KIAA1217: variants seen among roughly 807,000 people sequenced by gnomAD.
KIAA1217 encodes KIAA1217.
In KIAA1217, 88 loss-of-function variants were observed where a neutral mutation model predicts 163.9. That is an observed-to-expected ratio of 0.54 (90% CI 0.45 to 0.64). KIAA1217 has a LOEUF of 0.64. Among genes scored for constraint, KIAA1217 ranks in the 30% least tolerant of loss-of-function variants. KIAA1217 has a pLI of 0.00. For missense variants in KIAA1217, 2,372 were observed against 2,475.0 expected (o/e 0.96, Z 0.88); for synonymous variants, 903 against 923.1 (o/e 0.98, Z 0.39).
At chr10:23,790,006 CATACACATATACACATATGCAT>C (rs1835681885) in intron 1 of KIAA1217, among the ~76,000 whole-genome samples, 4 of 103,524 alleles carry the variant, frequency 3.9e-5, no homozygotes, top group South Asian at 2.8e-4. Context: ...CACATATGCA[CATACACATATACACATATGCAT>C]ATACACATAT....
chr10:24,501,798 G>C (rs2067648163), intron 9 of KIAA1217, among the ~76,000 whole-genome samples: 2 of 130,182 alleles, frequency 1.5e-5, no homozygotes, highest in South Asian at 5.0e-4. Context: ...CCCCAGGCTG[G>C]AGTGCAGTGG....
At chr10:24,032,975 A>C (rs1848248304) in intron 2 of KIAA1217, among the ~76,000 whole-genome samples, 1 of 152,228 alleles carries the variant, frequency 6.6e-6, no homozygotes. Context: ...ACATTTTTGT[A>C]CAACTTTTCA....
chr10:23,993,373 A>G (rs560474975), intron 1 of KIAA1217, among the ~76,000 whole-genome samples: 7 of 151,874 alleles, frequency 4.6e-5, no homozygotes, highest in Non-Finnish European at 1.0e-4. Context: ...AGTTGACTAA[A>G]CAGCAAGTCT....
At chr10:24,067,589 C>T (rs1354741810) in intron 2 of KIAA1217, among the ~76,000 whole-genome samples, 1 of 152,234 alleles carries the variant, frequency 6.6e-6, no homozygotes, top group African/African-American at 2.4e-5. Context: ...ACTCGGGGGT[C>T]AGGGACCCAC....
At chr10:24,212,423 G>A (rs1747231903) in intron 1 of KIAA1217, among the ~76,000 whole-genome samples, 1 of 152,172 alleles carries the variant, frequency 6.6e-6, no homozygotes, top group African/African-American at 2.4e-5. Context: ...TAGAGCTGAA[G>A]GAAGACTGAG....
chr10:24,351,560 C>G lies in KIAA1217; in HGVS notation c.355-29309C>G, dbSNP rs12411913. On this transcript the variant is annotated intron_variant, in intron 2 of 20. Transcript: ENST00000376454. ...GAGAGCTGGAGAGCCAGGGAGAATA[C>G]AGGACTTTTCTTCACCTTGGGTTGA... Among the ~76,000 whole-genome samples, 261 of 152,266 alleles carry G rather than the reference C, an allele frequency of 1.7e-3. 4 individuals carry two copies. Among genetic ancestry groups the G allele is most frequent in the Admixed American group, 0.015 (222 of 15,290 alleles).
chr10:24,234,685 T>G (rs2071971133), intron 2 of KIAA1217, among the ~76,000 whole-genome samples: 1 of 138,826 alleles, frequency 7.2e-6, no homozygotes, highest in Non-Finnish European at 1.6e-5. Context: ...AAAAAGAAAC[T>G]ACATACAAAA....
At chr10:23,908,826 A>T (rs1327071383) in intron 1 of KIAA1217, among the ~76,000 whole-genome samples, 1 of 152,152 alleles carries the variant, frequency 6.6e-6, no homozygotes, top group East Asian at 1.9e-4. Flanking sequence ...CAGTGTGGAG[A>T]TTCCTTAAAG....
chr10:23,879,248 C>G (rs1343186246), intron 1 of KIAA1217, among the ~76,000 whole-genome samples: 1 of 151,832 alleles, frequency 6.6e-6, no homozygotes, highest in South Asian at 2.1e-4. Flanking sequence ...AAAAACCTCC[C>G]GGATGATTCT....
intron 1 of KIAA1217, among the ~76,000 whole-genome samples, chr10:23,935,413 G>T (rs1264516335): frequency 6.6e-6 from 1 of 152,170 alleles, no homozygotes; most frequent in Non-Finnish European, 1.5e-5. Flanking sequence ...CTTCTTTAAA[G>T]AAATGTATTT....
At chr10:24,312,248 G>C (rs193093628) in intron 2 of KIAA1217, among the ~76,000 whole-genome samples, 3 of 151,746 alleles carry the variant, frequency 2.0e-5, no homozygotes, top group Non-Finnish European at 4.4e-5. Context: ...AGACATGGCC[G>C]GAAGCCTCAA....
intron 2 of KIAA1217, among the ~76,000 whole-genome samples, chr10:24,279,797 AAT>A (rs2077706750): frequency 6.6e-6 from 1 of 152,214 alleles, no homozygotes; most frequent in Non-Finnish European, 1.5e-5. Flanking sequence ...ATACATCCTA[AAT>A]ATGTTATTAT....
Position 24,494,478 on chromosome 10 carries a change from A to G in KIAA1217, c.1680-22A>G, listed in dbSNP as rs556663453. 1.4e-5 allele frequency: 23 copies of G among 1,593,376 alleles called. No individual in the cohort carries two copies. The Admixed American group carries it at 1.7e-4, about 12-fold the overall frequency. ...GTTTGAAAGTCCATAAAGCTTTAAC[A>G]AACAATTCTCTTGTTTTACAGAGAG... is the stretch of plus-strand genomic sequence containing the variant. On this transcript the variant is annotated intron_variant, in intron 6 of 20. Transcript: ENST00000376454.
chr10:24,250,983 T>G (rs974407988), intron 2 of KIAA1217, among the ~76,000 whole-genome samples: 1 of 151,418 alleles, frequency 6.6e-6, no homozygotes, highest in African/African-American at 2.4e-5. Flanking sequence ...TCACAGCACT[T>G]TGGGAGGCTG....
intron 2 of KIAA1217, among the ~76,000 whole-genome samples, chr10:24,017,689 T>G (rs1847546951): frequency 6.6e-6 from 1 of 152,082 alleles, no homozygotes; most frequent in Admixed American, 6.6e-5. Context: ...GTTGCAAAAG[T>G]AGAACTCCTG....
At chr10:23,809,840 C>G (rs1836911177) in intron 1 of KIAA1217, among the ~76,000 whole-genome samples, 2 of 152,018 alleles carry the variant, frequency 1.3e-5, no homozygotes, top group South Asian at 4.1e-4. Flanking sequence ...TCTGCATATG[C>G]AGATGGTCTC....
chr10:24,077,376 T>C (rs1318294910), intron 2 of KIAA1217, among the ~76,000 whole-genome samples: 1 of 152,138 alleles, frequency 6.6e-6, no homozygotes, highest in Non-Finnish European at 1.5e-5. Flanking sequence ...TGTGTGTTGT[T>C]ACCTACCGTG....
intron 5 of KIAA1217, among the ~76,000 whole-genome samples, chr10:24,451,379 G>T (rs2061360119): frequency 6.6e-6 from 1 of 152,214 alleles, no homozygotes; most frequent in African/African-American, 2.4e-5. Context: ...TCTGAAGTTA[G>T]GGCAGCTGGC....
At chr10:23,911,625 T>C (rs557053977) in intron 1 of KIAA1217, among the ~76,000 whole-genome samples, 19 of 152,200 alleles carry the variant, frequency 1.2e-4, no homozygotes, top group African/African-American at 3.6e-4. Context: ...AGAAGGAAAA[T>C]GTATTTATTA....
Sources: gnomAD v4.1 joint callset for allele counts (sites outside exome capture counted in the v4.1 genomes callset) on GRCh38, gnomAD v4.1.1 for gene constraint, MANE v1.5 for transcripts, NCBI Gene and HGNC (gene_info 2026-07-23, HGNC 2026-07-21) for gene names.